Variants in AMPH observed in about 807,000 individuals in gnomAD.
The protein encoded by AMPH is amphiphysin.
Under a neutral mutation model 99.1 loss-of-function variants are expected in AMPH, and 49 were observed. The ratio of observed to expected loss-of-function variants is 0.49; its 90% confidence interval spans 0.39 to 0.63. AMPH has a LOEUF of 0.63. Ranked by LOEUF, AMPH falls within the 20% of genes least tolerant of loss-of-function variation. AMPH has a pLI of 0.00. For missense variants in AMPH, 759 were observed against 863.4 expected, an observed-to-expected ratio of 0.88 and a Z score of 1.52; for synonymous variants, 314 against 317.3, an observed-to-expected ratio of 0.99 and a Z score of 0.11.
chr7:38,611,392 C>T (rs1793674603), intron 1 of AMPH, among the ~76,000 whole-genome samples: 1 of 152,226 alleles, frequency 6.6e-6, no homozygotes, highest in Non-Finnish European at 1.5e-5. Context: ...CTGTCCAACA[C>T]TGTACCCTAT....
intron 1 of AMPH, among the ~76,000 whole-genome samples, chr7:38,536,127 C>T (rs1049682464): frequency 3.9e-5 from 6 of 152,036 alleles, no homozygotes; most frequent in Admixed American, 3.3e-4. Flanking sequence ...TATATTTTAG[C>T]GGAATAGACA....
intron 11 of AMPH, among the ~76,000 whole-genome samples, 190 bp downstream of exon 11, chr7:38,461,093 A>T (rs1467469582): frequency 6.6e-6 from 1 of 152,230 alleles, no homozygotes; most frequent in East Asian, 1.9e-4. Context: ...TAAAAAAAAG[A>T]TAATTTTCAA....
rs993996184 is a variant in AMPH, at chr7:38,384,634, C to G, written c.*184G>C. 1.9e-6 allele frequency: 1 copy of G among 516,916 alleles called. No individual in the cohort carries two copies. Among genetic ancestry groups the G allele is most frequent in the Admixed American group, 3.1e-5 (1 of 32,662 alleles). 32.0% of individuals were successfully genotyped at this position (516,916 alleles called of 1,614,324 possible). A position where few individuals can be genotyped will look rare whatever the true frequency, so the allele number is the denominator to read the frequency against. ...ACATGGGAATGAGTGAGGATTTTTT[C>G]CTTAATTTACTTTTTTTCCTCTTAC... On this transcript the variant is annotated 3_prime_UTR_variant, in exon 21 of 21. Coordinates refer to ENST00000356264, the MANE Select transcript of AMPH (RefSeq NM_001635.4).
At chr7:38,421,555 T>C (rs1776553170) in intron 16 of AMPH, among the ~76,000 whole-genome samples, 1 of 152,252 alleles carries the variant, frequency 6.6e-6, no homozygotes, top group Admixed American at 6.5e-5. Context: ...TTTGCAAATA[T>C]ATCAAACCAG....
At chr7:38,522,629 A>G (rs1236261073) in intron 2 of AMPH, among the ~76,000 whole-genome samples, 2 of 152,154 alleles carry the variant, frequency 1.3e-5, no homozygotes, top group African/African-American at 2.4e-5. Flanking sequence ...GGTGGGTATG[A>G]ATCAGCCTAC....
chr7:38,554,540 T>C (rs1791295767), intron 1 of AMPH, among the ~76,000 whole-genome samples: 1 of 152,238 alleles, frequency 6.6e-6, no homozygotes, highest in Admixed American at 6.5e-5. Flanking sequence ...ATGTTCATTA[T>C]AAATACTTTA....
At chr7:38,512,423 C>T (rs1295269553) in intron 2 of AMPH, among the ~76,000 whole-genome samples, 1 of 152,112 alleles carries the variant, frequency 6.6e-6, no homozygotes, top group African/African-American at 2.4e-5. Context: ...GTACAGTCAA[C>T]CTGGGAATCA....
At chr7:38,572,094 G>A (rs936933958) in intron 1 of AMPH, among the ~76,000 whole-genome samples, 18 of 152,012 alleles carry the variant, frequency 1.2e-4, no homozygotes, top group Admixed American at 4.6e-4. Flanking sequence ...TAGTAGAGAC[G>A]GGGTTTCTCC....
intron 3 of AMPH, among the ~76,000 whole-genome samples, chr7:38,499,125 T>A (rs1209938353): frequency 6.6e-6 from 1 of 152,206 alleles, no homozygotes; most frequent in East Asian, 1.9e-4. Flanking sequence ...TGTCCTCTGT[T>A]ATGATGGCAC....
chr7:38,562,077 T>C (rs1411536830), intron 1 of AMPH, among the ~76,000 whole-genome samples: 2 of 149,584 alleles, frequency 1.3e-5, no homozygotes, highest in African/African-American at 4.9e-5. Flanking sequence ...GGAAGTGAGA[T>C]AGGTGGAAAT....
At chr7:38,583,282 A>G (rs1369816016) in intron 1 of AMPH, among the ~76,000 whole-genome samples, 1 of 152,208 alleles carries the variant, frequency 6.6e-6, no homozygotes, top group Non-Finnish European at 1.5e-5. Context: ...CACCTCTGAG[A>G]CTTTATTCTT....
intron 1 of AMPH, among the ~76,000 whole-genome samples, chr7:38,599,782 T>TAAA (rs1793182807): frequency 6.6e-6 from 1 of 150,662 alleles, no homozygotes; most frequent in East Asian, 1.9e-4. Flanking sequence ...ATCATTAATA[T>TAAA]TAAATTTGAA....
chr7:38,525,258 G>GTGTATATATATATATA (rs1173107719), intron 2 of AMPH, among the ~76,000 whole-genome samples: 7 of 111,184 alleles, frequency 6.3e-5, no homozygotes, highest in African/African-American at 2.8e-4. Flanking sequence ...GTGTGTGTGT[G>GTGTATATATATATATA]TATATATATA....
chr7:38,605,768 G>T (rs569713718), intron 1 of AMPH, among the ~76,000 whole-genome samples: 1 of 151,962 alleles, frequency 6.6e-6, no homozygotes, highest in Non-Finnish European at 1.5e-5. Context: ...TTTAAGTAGA[G>T]ACAGGGTTTC....
chr7:38,422,670 T>A (rs748588264), intron 15 of AMPH, among the ~76,000 whole-genome samples, 193 bp from the exon 16 acceptor site: 3 of 152,110 alleles, frequency 2.0e-5, no homozygotes, highest in Non-Finnish European at 4.4e-5. Context: ...TTCCCCAGGC[T>A]GGAGTATAGT....
intron 2 of AMPH, among the ~76,000 whole-genome samples, chr7:38,506,677 T>A (rs1789337135): frequency 6.6e-6 from 1 of 152,080 alleles, no homozygotes. Context: ...GGCACATACA[T>A]CCACAAAACA....
chr7:38,467,798 G>A (rs1488230238), intron 7 of AMPH, among the ~76,000 whole-genome samples: 2 of 151,970 alleles, frequency 1.3e-5, no homozygotes, highest in Non-Finnish European at 2.9e-5. Context: ...GAGTGGATAT[G>A]GGCAGAAACA....
intron 17 of AMPH, among the ~76,000 whole-genome samples, chr7:38,416,489 G>C (rs959655593): frequency 2.6e-5 from 4 of 152,080 alleles, no homozygotes; most frequent in African/African-American, 9.7e-5. Flanking sequence ...GTTCAAAATA[G>C]GGATTTGATG....
At chr7:38,514,536 G>T (rs748950283) in intron 2 of AMPH, among the ~76,000 whole-genome samples, 1 of 152,170 alleles carries the variant, frequency 6.6e-6, no homozygotes, top group African/African-American at 2.4e-5. Flanking sequence ...AGTGTTGAGA[G>T]GTAGGATTTT....
Sources: allele counts gnomAD v4.1 joint callset (sites outside exome capture counted in the v4.1 genomes callset), GRCh38; gene constraint gnomAD v4.1.1; transcripts MANE v1.5; gene names NCBI Gene and HGNC (gene_info 2026-07-23, HGNC 2026-07-21).